Variants in CLIC6 observed in about 807,000 individuals in gnomAD.
CLIC6 encodes CLIC family member 6.
In CLIC6, 39 loss-of-function variants were observed where a neutral mutation model predicts 49.2. The observed-to-expected ratio is 0.79, with a 90% CI of 0.61 to 1.04. CLIC6 has a LOEUF of 1.04. CLIC6 is among the 50% of genes least tolerant of loss of function. CLIC6 has a pLI of 0.00. For missense variants in CLIC6, 988 were observed against 993.1 expected (o/e 0.99, Z 0.07); for synonymous variants, 446 against 433.4 (o/e 1.03, Z -0.36).
intron 1 of CLIC6, among the ~76,000 whole-genome samples, chr21:34,686,659 A>G (rs1989885604): frequency 6.6e-6 from 1 of 152,112 alleles, no homozygotes. Context: ...TTCACTGACC[A>G]TCCTGAGGTC....
Position 34,670,280 on chromosome 21 carries a change from C to T in CLIC6, c.892C>T (p.Gln298Ter), listed in dbSNP as rs13049028. ...RARRVSGEPQ[Q>*]SGDGSLSPQA... ...GCGCCGGGTCTCGGGTGAGCCGCAG[C>T]AATCGGGGGACGGCAGCCTCTCGCC... is the stretch of plus-strand genomic sequence containing the variant. Residue 298 changes from glutamine (Q) to a stop codon, truncating the protein, a stop_gained, in exon 1 of 6, where the codon CAA (glutamine) becomes TAA (stop). Coordinates refer to ENST00000349499, the MANE Select transcript of CLIC6 (RefSeq NM_053277.3). LOFTEE classifies it high-confidence loss of function. The T allele has an allele frequency of 6.9e-7, 1 of 1,439,566 alleles. No individual in the cohort carries two copies. The highest frequency in any genetic ancestry group is 9.1e-7 in the Non-Finnish European group (1 of 1,101,756). The allele number at this position is 1,439,566 out of a possible 1,614,324, so 89.2% of individuals were successfully genotyped here.
Position 34,670,106 on chromosome 21 carries a change from G to T in CLIC6, c.718G>T (p.Val240Leu). The T allele has an allele frequency of 7.4e-7, 1 of 1,342,822 alleles. No homozygotes were observed. The allele number at this position is 1,342,822 out of a possible 1,614,324, so 83.2% of individuals were successfully genotyped here. Residue 240 changes from valine to leucine, a missense_variant, in exon 1 of 6, where the codon GTA becomes TTA. Val to Leu is a conservative substitution (Grantham distance 32). Transcript: ENST00000349499. ...VDAEGPAGDS[V>L]DAEGRVGDSV... ...CGCGGAAGGTCCGGCGGGGGACAGC[G>T]TAGACGCGGAGGGCCGGGTGGGGGA...
At chr21:34,672,830 G>A (rs190191635) in intron 1 of CLIC6, among the ~76,000 whole-genome samples, 13 of 152,194 alleles carry the variant, frequency 8.5e-5, no homozygotes, top group African/African-American at 2.6e-4. Context: ...AAATGGGGAC[G>A]GTAATAGTAC....
intron 5 of CLIC6, among the ~76,000 whole-genome samples, chr21:34,709,931 C>T (rs2056044593): frequency 6.6e-6 from 1 of 152,098 alleles, no homozygotes; most frequent in Non-Finnish European, 1.5e-5. Flanking sequence ...TGTAGGGCTC[C>T]ACATGGCCCC....
chr21:34,669,615 C>G lies in CLIC6; in HGVS notation c.227C>G (p.Thr76Arg). 1.6e-6 allele frequency: 2 copies of G among 1,272,798 alleles called. No individual in the cohort carries two copies. Among genetic ancestry groups the G allele is most frequent in the Non-Finnish European group, 2.0e-6 (2 of 1,012,434 alleles). 78.8% of individuals were successfully genotyped at this position (1,272,798 alleles called of 1,614,324 possible). A position where few individuals can be genotyped will look rare whatever the true frequency, so the allele number is the denominator to read the frequency against. Reference protein sequence around the residue: ...DRGPEAEARGTRGAHGETEAE... With the variant: ...DRGPEAEARGRRGAHGETEAE... ...GGCCCGGAGGCCGAGGCGCGGGGCA[C>G]GAGGGGGGCGCACGGCGAGACTGAG... The change falls in exon 1 of 6, where the codon ACG becomes AGG. Residue 76 changes from threonine to arginine, a missense_variant. Transcript: ENST00000349499.
chr21:34,671,599 C>T lies in CLIC6; in HGVS notation c.1374+837C>T, dbSNP rs564611702. On this transcript the variant is annotated intron_variant, in intron 1 of 5. Transcript: ENST00000349499. ...AAGAACAAAGCTCAGCAGCAGTTCACACCAGGATCTTTGTTTAAAAAGCCT... is the reference window on the plus strand; with the variant it reads ...AAGAACAAAGCTCAGCAGCAGTTCATACCAGGATCTTTGTTTAAAAAGCCT... Among the ~76,000 whole-genome samples, 8 of 152,302 alleles carry T rather than the reference C, an allele frequency of 5.3e-5. No individual in the cohort carries two copies. In the South Asian group the frequency reaches 1.7e-3, roughly 32 times the overall value.
intron 1 of CLIC6, among the ~76,000 whole-genome samples, chr21:34,694,376 A>C (rs1990056281): frequency 6.6e-6 from 1 of 151,786 alleles, no homozygotes; most frequent in African/African-American, 2.4e-5. Context: ...GTGTGATCTC[A>C]GCTCACTGCC....
intron 1 of CLIC6, among the ~76,000 whole-genome samples, chr21:34,682,599 CTGTT>C (rs771012430): frequency 1.2e-3 from 183 of 152,002 alleles, no homozygotes; most frequent in Non-Finnish European, 2.4e-3. Flanking sequence ...AGTGTGCTGA[CTGTT>C]TGCACTTGAA....
Position 34,669,888 on chromosome 21 carries a change from G to A in CLIC6, c.500G>A (p.Gly167Glu). 7.5e-7 allele frequency: 1 copy of A among 1,328,916 alleles called. No individual in the cohort carries two copies. The highest frequency in any genetic ancestry group is 3.7e-5 in the East Asian group (1 of 27,270). The allele number at this position is 1,328,916 out of a possible 1,614,324, so 82.3% of individuals were successfully genotyped here. ...GDSVDAEGPL[G>E]DNIEAEGPAG... Reference sequence around the variant, plus strand: ...AGCGTAGACGCGGAGGGCCCGCTGGGGGACAACATAGAAGCGGAGGGCCCG... The same window carrying A: ...AGCGTAGACGCGGAGGGCCCGCTGGAGGACAACATAGAAGCGGAGGGCCCG... Residue 167 changes from glycine to glutamate, a missense_variant, in exon 1 of 6, where the codon GGG becomes GAG. Gly to Glu is a moderately conservative substitution (Grantham distance 98, BLOSUM62 -2). Coordinates refer to ENST00000349499, the MANE Select transcript of CLIC6 (RefSeq NM_053277.3).
intron 5 of CLIC6, among the ~76,000 whole-genome samples, chr21:34,713,496 A>C (rs779677537): frequency 6.6e-6 from 1 of 152,190 alleles, no homozygotes; most frequent in Non-Finnish European, 1.5e-5. Context: ...ACATTCGCAC[A>C]CATCTTATAG....
At chr21:34,707,735 G>A (rs538137656) in intron 2 of CLIC6, among the ~76,000 whole-genome samples, 8 of 152,128 alleles carry the variant, frequency 5.3e-5, no homozygotes, top group African/African-American at 9.7e-5. Flanking sequence ...TTTGTGCTCC[G>A]TATTCACAAA....
At chr21:34,682,801 ATTTTTTTT>A (rs1172251761) in intron 1 of CLIC6, among the ~76,000 whole-genome samples, 44 of 69,308 alleles carry the variant, frequency 6.3e-4, no homozygotes, top group East Asian at 1.5e-3. Context: ...CTTTCCCTCC[ATTTTTTTT>A]TTTTTTTTTT....
At chr21:34,708,648 T>C (rs2056033378) in intron 3 of CLIC6, 52 bp from the exon 4 acceptor site, 2 of 1,250,920 alleles carry the variant, frequency 1.6e-6, no homozygotes, top group Non-Finnish European at 2.3e-6. Context: ...TATAGTATTA[T>C]CTTCACTAAA....
intron 1 of CLIC6, among the ~76,000 whole-genome samples, chr21:34,688,892 A>G (rs2834580): frequency 0.16 from 25,001 of 152,164 alleles, 2,138 homozygotes; most frequent in Non-Finnish European, 0.19. Context: ...CTTGTATTCT[A>G]TGACTCCTTC....
intron 2 of CLIC6, 51 bp downstream of exon 2, chr21:34,707,440 C>CACACACAT: frequency 3.3e-6 from 2 of 598,088 alleles, no homozygotes; most frequent in South Asian, 1.7e-5. Flanking sequence ...GTTCTCTGCA[C>CACACACAT]ACACACACAC....
chr21:34,670,579 C>A lies in CLIC6; in HGVS notation c.1191C>A (p.Ser397Arg), dbSNP rs753118378. ...GCGAAGAGGAATCCCCCGACAGCAG[C>A]CCACATGGGGAGGCCTCCAGGGGCG... ...AGGEEESPDS[S>R]PHGEASRGAA... is the part of the protein sequence containing the mutation. Residue 397 changes from serine (S) to arginine (R), a missense_variant, in exon 1 of 6, where the codon AGC becomes AGA. Around this residue, in one of 3 missense-constraint regions of CLIC6, gnomAD observed 647 missense variants for 596.9 expected, o/e 1.08. Transcript: ENST00000349499. The A allele has an allele frequency of 3.1e-5, 47 of 1,520,784 alleles. 1 individual carries two copies. The highest frequency in any genetic ancestry group is 1.4e-4 in the South Asian group (11 of 80,082). 94.2% of individuals were successfully genotyped at this position (1,520,784 alleles called of 1,614,324 possible).
intron 1 of CLIC6, among the ~76,000 whole-genome samples, chr21:34,695,342 G>C (rs946062025): frequency 6.6e-6 from 1 of 152,194 alleles, no homozygotes; most frequent in African/African-American, 2.4e-5. Context: ...ATGAGATTGG[G>C]TTTGCCTAAT....
intron 1 of CLIC6, among the ~76,000 whole-genome samples, chr21:34,705,113 T>G (rs1231638291): frequency 1.3e-5 from 2 of 152,232 alleles, no homozygotes; most frequent in Non-Finnish European, 2.9e-5. Flanking sequence ...TTTGCTGTGC[T>G]TCATGTAACT....
At chr21:34,674,956 A>C (rs978305556) in intron 1 of CLIC6, among the ~76,000 whole-genome samples, 1 of 152,148 alleles carries the variant, frequency 6.6e-6, no homozygotes, top group African/African-American at 2.4e-5. Flanking sequence ...TCTGGCGTGT[A>C]AGCTTTGAGT....
Sources: allele counts gnomAD v4.1 joint callset (sites outside exome capture counted in the v4.1 genomes callset), GRCh38; gene constraint gnomAD v4.1.1; regional missense constraint gnomAD v4.1.1; transcripts MANE v1.5; gene names NCBI Gene and HGNC (gene_info 2026-07-23, HGNC 2026-07-21).